The following NOMO1 variants were observed in gnomAD, a reference collection of about 807,000 sequenced individuals.
NOMO1 encodes the protein NODAL modulator 1.
NOMO1 carries 40 observed loss-of-function variants against 133.8 expected under a neutral mutation model. That is an observed-to-expected ratio of 0.30 (90% confidence interval 0.23 to 0.39). NOMO1 has a LOEUF of 0.39. Ranked by LOEUF, NOMO1 falls within the 10% of genes least tolerant of loss-of-function variation. The pLI is 1.00. For synonymous variants in NOMO1, 236 were observed against 570.5 expected, an observed-to-expected ratio of 0.41 and a Z score of 8.36; for missense variants, 462 against 1,419.9, an observed-to-expected ratio of 0.33 and a Z score of 10.84.
chr16:14,838,064 A>G (rs953489536), intron 1 of NOMO1, among the ~76,000 whole-genome samples: 7 of 148,336 alleles, frequency 4.7e-5, no homozygotes, highest in Non-Finnish European at 1.0e-4. Context: ...AGGAATTTGC[A>G]TGTTAATAAG....
intron 3 of NOMO1, 27 bp from the exon 4 acceptor site, chr16:14,844,647 G>A: frequency 1.9e-6 from 1 of 525,550 alleles, no homozygotes; most frequent in Non-Finnish European, 3.3e-6. Context: ...CTTGTGCCCC[G>A]GTTTCCTCCC....
Position 14,864,634 on chromosome 16 carries a change from A to G in NOMO1, c.1445A>G (p.Gln482Arg), listed in dbSNP as rs145765677. 2.9e-4 allele frequency: 462 copies of G among 1,613,244 alleles called. 1 individual carries two copies. The Middle Eastern group carries it at 3.1e-3, about 11-fold the overall frequency. Residue 482 changes from glutamine (Q) to arginine (R), a missense_variant, in exon 13 of 31, where the codon CAG becomes CGG. Coordinates refer to ENST00000287667, the MANE Select transcript of NOMO1 (RefSeq NM_014287.4). ...ETRAGLTLKPQTFPLTVTNRP... is the reference protein window; with the variant it reads ...ETRAGLTLKPRTFPLTVTNRP... Reference sequence around the variant, plus strand: ...AGAGCAGGGCTGACGTTGAAACCCCAGACATTTCCTCTTACTGTGACCAAC... The same window carrying G: ...AGAGCAGGGCTGACGTTGAAACCCCGGACATTTCCTCTTACTGTGACCAAC...
At chr16:14,840,577 G>C (rs1255376401) in intron 2 of NOMO1, among the ~76,000 whole-genome samples, 4 of 146,456 alleles carry the variant, frequency 2.7e-5, no homozygotes, top group Non-Finnish European at 6.0e-5. Flanking sequence ...ACAGAGCGAG[G>C]CTCCATCTCA....
intron 9 of NOMO1, among the ~76,000 whole-genome samples, chr16:14,855,755 G>A (rs1361884770): frequency 2.6e-5 from 4 of 151,946 alleles, no homozygotes; most frequent in Admixed American, 2.6e-4. Flanking sequence ...TCAGGGAATG[G>A]GGCCCTGTAA....
chr16:14,857,280 G>A lies in NOMO1; in HGVS notation c.1027G>A (p.Gly343Ser). The change falls in exon 10 of 31, where the codon GGT (glycine) becomes AGT (serine). Residue 343 changes from glycine (G) to serine (S), a missense_variant. Transcript: ENST00000287667. ...GRVLNGPEGD[G>S]VPEAVVTLNN... is the part of the protein sequence containing the mutation. ...GGTCTTGAACGGACCCGAAGGAGATGGTGTTCCAGAAGCAGTAGTCACCCT... is the reference window on the plus strand; with the variant it reads ...GGTCTTGAACGGACCCGAAGGAGATAGTGTTCCAGAAGCAGTAGTCACCCT... 1 of 1,604,632 alleles carries A rather than the reference G, an allele frequency of 6.2e-7. No individual in the cohort carries two copies. Among genetic ancestry groups the A allele is most frequent in the Non-Finnish European group, 8.5e-7 (1 of 1,173,320 alleles).
At position 14,857,666 on chromosome 16, in the gene NOMO1, C is replaced by G; in HGVS notation, c.1220+11C>G. 6.2e-7 allele frequency: 1 copy of G among 1,613,594 alleles called. No individual in the cohort carries two copies. Among genetic ancestry groups the G allele is most frequent in the Non-Finnish European group, 8.5e-7 (1 of 1,179,830 alleles). ...CATTATTGCAACAGGGTAAGCTTAT[C>G]GTGTGGATTTGGAAGCGCCAGTAAA... On this transcript the variant is annotated intron_variant, in intron 11 of 30. Transcript: ENST00000287667.
intron 7 of NOMO1, 47 bp from the exon 8 acceptor site, chr16:14,853,420 C>T: frequency 4.1e-6 from 6 of 1,447,220 alleles, no homozygotes; most frequent in Non-Finnish European, 5.6e-6. Flanking sequence ...GTATTCAGAA[C>T]ATGTAAATGG....
intron 1 of NOMO1, among the ~76,000 whole-genome samples, chr16:14,836,622 G>A (rs886323325): frequency 1.5e-4 from 23 of 150,888 alleles, no homozygotes; most frequent in African/African-American, 5.1e-4. Flanking sequence ...TGTTCCCTAC[G>A]TATTACACTG....
chr16:14,866,734 C>A, intron 15 of NOMO1, 43 bp downstream of exon 15: 1 of 1,609,738 alleles, frequency 6.2e-7, no homozygotes, highest in Non-Finnish European at 8.5e-7. Context: ...AAAGCGCTCG[C>A]CTTGTGGATG....
chr16:14,837,220 G>A (rs1433139623), intron 1 of NOMO1, among the ~76,000 whole-genome samples: 1 of 151,652 alleles, frequency 6.6e-6, no homozygotes, highest in Non-Finnish European at 1.5e-5. Context: ...TGGCTATGTT[G>A]TCCAGGCTGG....
At chr16:14,864,465 G>A (rs1261224237) in intron 12 of NOMO1, 120 bp from the exon 13 acceptor site, 26 of 1,530,426 alleles carry the variant, frequency 1.7e-5, no homozygotes, top group East Asian at 1.4e-4. Flanking sequence ...GCCTGGAAAC[G>A]AACCTTTGGC....
At chr16:14,858,892 G>A (rs1273672194) in intron 11 of NOMO1, among the ~76,000 whole-genome samples, 1 of 151,994 alleles carries the variant, frequency 6.6e-6, no homozygotes, top group Non-Finnish European at 1.5e-5. Flanking sequence ...GGACAGACTG[G>A]TGAGATATTT....
chr16:14,864,832 A>G (rs1464898291), intron 13 of NOMO1, 106 bp downstream of exon 13: 17 of 1,575,548 alleles, frequency 1.1e-5, no homozygotes, highest in African/African-American at 1.4e-5. Flanking sequence ...GCTACTGATC[A>G]CCTGCGTGCG....
At chr16:14,867,162 ATATATATATATATATTTTTTTT>A (rs1354360742) in intron 15 of NOMO1, among the ~76,000 whole-genome samples, 6 of 18,588 alleles carry the variant, frequency 3.2e-4, no homozygotes, top group African/African-American at 8.0e-4. Context: ...ATATATATAT[ATATATATATATATATTTTTTTT>A]TTTTTTTTTT....
chr16:14,866,484 G>T, intron 14 of NOMO1, 71 bp from the exon 15 acceptor site: 14 of 1,609,724 alleles, frequency 8.7e-6, no homozygotes, highest in Non-Finnish European at 1.2e-5. Flanking sequence ...CATGATCATT[G>T]TTTCTGGTGG....
chr16:14,894,938 G>A, intron 29 of NOMO1, 60 bp from the exon 30 acceptor site: 2 of 1,612,008 alleles, frequency 1.2e-6, no homozygotes. Context: ...CTGTGGCATT[G>A]TGGATGATGG....
intron 27 of NOMO1, 23 bp from the exon 28 acceptor site, chr16:14,886,738 T>A: frequency 1.9e-6 from 3 of 1,610,756 alleles, no homozygotes; most frequent in Non-Finnish European, 2.5e-6. Flanking sequence ...TCAAAGCATG[T>A]CTGACTTTGT....
At chr16:14,875,510 G>T (rs1235011531) in intron 20 of NOMO1, 88 bp downstream of exon 20, 1 of 750,392 alleles carries the variant, frequency 1.3e-6, no homozygotes, top group Non-Finnish European at 2.2e-6. Flanking sequence ...TGATGTTATA[G>T]TGAAGCCATC....
intron 29 of NOMO1, among the ~76,000 whole-genome samples, chr16:14,891,330 T>A (rs1319371797): frequency 6.6e-6 from 1 of 150,628 alleles, no homozygotes; most frequent in Admixed American, 6.6e-5. Flanking sequence ...TTTTCAGCTC[T>A]TTGTATACTA....
Sources: allele counts gnomAD v4.1 joint callset (sites outside exome capture counted in the v4.1 genomes callset), GRCh38; gene constraint gnomAD v4.1.1; transcripts MANE v1.5; gene names NCBI Gene and HGNC (gene_info 2026-07-23, HGNC 2026-07-21).